Variants in SHPRH observed in about 807,000 individuals in gnomAD.
SHPRH encodes the protein E3 ubiquitin-protein ligase SHPRH.
Under a neutral mutation model 202.5 loss-of-function variants are expected in SHPRH, and 106 were observed. The observed-to-expected ratio is 0.52, with a 90% CI of 0.45 to 0.62. SHPRH has a LOEUF of 0.62. SHPRH is among the 20% of genes least tolerant of loss of function. The pLI, the probability that SHPRH is intolerant of heterozygous loss-of-function variation, is 0.00. For missense variants in SHPRH, 1,710 were observed against 2,020.0 expected, an observed-to-expected ratio of 0.85 and a Z score of 2.94; for synonymous variants, 729 against 686.0, an observed-to-expected ratio of 1.06 and a Z score of -0.98.
chr6:145,910,212 T>C lies in SHPRH; in HGVS notation c.4515+236A>G, dbSNP rs959797023. 1.5e-5 allele frequency: 6 copies of C among 412,370 alleles called. No homozygotes were observed. The South Asian group carries it at 4.1e-4, about 28-fold the overall frequency. 25.5% of individuals were successfully genotyped at this position (412,370 alleles called of 1,614,324 possible). A position where few individuals can be genotyped will look rare whatever the true frequency, so the allele number is the denominator to read the frequency against. On this transcript the variant is annotated intron_variant, in intron 25 of 29. Transcript: ENST00000275233. ...ACTGTAATTTTAAGATGTTACATTT[T>C]AGTCACAGTGTACATGACTATCGCT...
chr6:145,955,908 T>C (rs1204694275), intron 1 of SHPRH, among the ~76,000 whole-genome samples: 1 of 152,106 alleles, frequency 6.6e-6, no homozygotes, highest in Non-Finnish European at 1.5e-5. Context: ...ATTCTCAATA[T>C]GTTAAAGGTA....
chr6:145,884,637 A>G (rs557406238), downstream of SHPRH: 1 of 152,294 alleles, frequency 6.6e-6, no homozygotes, highest in Non-Finnish European at 1.5e-5. Context: ...TGAGGATCAG[A>G]TTTGTACTTG....
intron 25 of SHPRH, among the ~76,000 whole-genome samples, chr6:145,895,272 T>C (rs143895357): frequency 2.6e-5 from 4 of 152,228 alleles, no homozygotes; most frequent in South Asian, 4.1e-4. Context: ...TCAGGTTTTA[T>C]AGTTACAAAA....
Position 145,954,697 on chromosome 6 carries a change from A to G in SHPRH, c.626T>C (p.Ile209Thr), listed in dbSNP as rs771266053. 6.3e-7 allele frequency: 1 copy of G among 1,577,132 alleles called. No individual in the cohort carries two copies. The highest frequency in any genetic ancestry group is 1.2e-5 in the South Asian group (1 of 83,644). The part of the protein sequence containing the change: ...KLYQKPEGNH[I>T]IKVGIYLLEA... ...CCACAAAAAACTGAGTACCTTGATA[A>G]TGTGATTTCCTTCTGGTTTCTGATA... The change falls in exon 2 of 30, where the codon ATT (isoleucine) becomes ACT (threonine). Residue 209 changes from isoleucine (I) to threonine (T), a missense_variant. By Grantham distance (89) the Ile-to-Thr change is moderately conservative. Around this residue, in one of 8 missense-constraint regions of SHPRH, gnomAD observed 459 missense variants for 426.5 expected, o/e 1.08. Coordinates refer to ENST00000275233, the MANE Select transcript of SHPRH (RefSeq NM_001042683.3).
chr6:145,938,956 T>G (rs1786426876), intron 11 of SHPRH, among the ~76,000 whole-genome samples: 1 of 152,204 alleles, frequency 6.6e-6, no homozygotes, highest in African/African-American at 2.4e-5. Flanking sequence ...GTCAGAATTG[T>G]AGGAGTGCTA....
At chr6:145,882,871 T>C (rs971515659), downstream of SHPRH, among the ~76,000 whole-genome samples, 7 of 152,328 alleles carry the variant, frequency 4.6e-5, no homozygotes, top group South Asian at 1.2e-3. Context: ...CTAAGGAAAT[T>C]TGAGCACAAA....
Position 145,893,244 on chromosome 6 carries a change from T to C in SHPRH, c.4845A>G (p.Ile1615Met). 6.3e-7 allele frequency: 1 copy of C among 1,581,244 alleles called. No homozygotes were observed. Residue 1615 changes from isoleucine (I) to methionine (M), a missense_variant, in exon 28 of 30, where the codon ATA becomes ATG. Ile to Met is a conservative substitution (Grantham distance 10). This residue lies in a region of SHPRH where 306 missense variants were observed against 479.5 expected (regional missense o/e 0.64). Coordinates refer to ENST00000275233, the MANE Select transcript of SHPRH (RefSeq NM_001042683.3). Reference sequence around the variant, plus strand: ...TCTGTCCAATTCGGTGCACCCTCCCTATGGCCTGAAGCTCATGGGCAGGGT... The same window carrying C: ...TCTGTCCAATTCGGTGCACCCTCCCCATGGCCTGAAGCTCATGGGCAGGGT... ...ILNPAHELQA[I>M]GRVHRIGQTK...
intron 14 of SHPRH, among the ~76,000 whole-genome samples, chr6:145,930,312 T>G (rs1582733667): frequency 6.6e-6 from 1 of 152,282 alleles, no homozygotes; most frequent in East Asian, 1.9e-4. Context: ...ATTTGCTCTT[T>G]TTTTTTAAAT....
chr6:145,960,981 T>A (rs143632916), intron 1 of SHPRH, among the ~76,000 whole-genome samples: 1 of 151,942 alleles, frequency 6.6e-6, no homozygotes, highest in Non-Finnish European at 1.5e-5. Flanking sequence ...CATATGCAGT[T>A]CACGATAGCA....
rs1284346523 is a variant in SHPRH, at chr6:145,886,774, A to AT, written c.4968dup (p.Ser1657IlefsTer14). The AT allele has an allele frequency of 1.9e-6, 3 of 1,613,462 alleles. No homozygotes were observed. Among genetic ancestry groups the AT allele is most frequent in the African/African-American group, 2.7e-5 (2 of 74,912 alleles). On this transcript the variant is annotated frameshift_variant, in exon 30 of 30. Transcript: ENST00000275233. LOFTEE classifies it high-confidence loss of function. ...ACAGAGGCCTCTGAATGCTTTGCTG[A>AT]TGAGTTCGTGTGACTGCAAGGTTTC...
chr6:145,865,793 TAGCAGGAAACCTCTG>T (rs1405312457), intron 2 of SHPRH, among the ~76,000 whole-genome samples: 1 of 152,256 alleles, frequency 6.6e-6, no homozygotes, highest in Non-Finnish European at 1.5e-5. Context: ...CAAAGCAGAA[TAGCAGGAAACCTCTG>T]ACCAGTTTAC....
intron 16 of SHPRH, 151 bp from the exon 17 acceptor site, chr6:145,924,997 G>A (rs530889831): frequency 1.7e-5 from 8 of 480,576 alleles, no homozygotes; most frequent in Middle Eastern, 3.6e-4. Context: ...GAACATAAAA[G>A]TCACGCTAAA....
At position 145,945,588 on chromosome 6, in the gene SHPRH, T is replaced by C. The variant is rs1452650724; in HGVS notation, c.1371A>G (p.Lys457=). 4.3e-6 allele frequency: 7 copies of C among 1,610,988 alleles called. No individual in the cohort carries two copies. Among genetic ancestry groups the C allele is most frequent in the Non-Finnish European group, 5.9e-6 (7 of 1,178,590 alleles). ...LTAVKEMNGK[K]GVSILSIYKY... ...TATAGATGGAAAGGATGGACACTCCTTTTTTTCCATTCATTTCTTTCACAG... is the reference window on the plus strand; with the variant it reads ...TATAGATGGAAAGGATGGACACTCCCTTTTTTCCATTCATTTCTTTCACAG... The change falls in exon 8 of 30, where the codon AAA becomes AAG. Residue 457 remains lysine (K), a synonymous_variant. Coordinates refer to ENST00000275233, the MANE Select transcript of SHPRH (RefSeq NM_001042683.3).
At chr6:145,869,371 T>G (rs1779950077) in intron 2 of SHPRH, among the ~76,000 whole-genome samples, 1 of 152,200 alleles carries the variant, frequency 6.6e-6, no homozygotes, top group South Asian at 2.1e-4. Flanking sequence ...TCAATTCTGT[T>G]TTGGATTGTG....
intron 24 of SHPRH, among the ~76,000 whole-genome samples, chr6:145,912,225 A>T (rs1009341056): frequency 2.6e-5 from 4 of 151,968 alleles, no homozygotes; most frequent in Non-Finnish European, 5.9e-5. Flanking sequence ...CTAATTTAAT[A>T]GCCCTAAATT....
chr6:145,933,420 C>T (rs1164705902), intron 13 of SHPRH, among the ~76,000 whole-genome samples: 1 of 152,074 alleles, frequency 6.6e-6, no homozygotes, highest in Non-Finnish European at 1.5e-5. Flanking sequence ...GAAAAATCTT[C>T]CTCAAGTACA....
At chr6:145,941,978 A>T in intron 9 of SHPRH, 104 bp from the exon 10 acceptor site, 3 of 1,374,868 alleles carry the variant, frequency 2.2e-6, no homozygotes, top group Non-Finnish European at 3.0e-6. Flanking sequence ...TTTTCTTAGG[A>T]GCATTCATGC....
At chr6:145,921,949 C>T (rs1327790753) in intron 20 of SHPRH, among the ~76,000 whole-genome samples, 8 of 151,830 alleles carry the variant, frequency 5.3e-5, no homozygotes, top group East Asian at 3.9e-4. Flanking sequence ...GAAGTTATGC[C>T]GGACATTATG....
At chr6:145,863,676 A>G (rs188779750), downstream of SHPRH, among the ~76,000 whole-genome samples, 41 of 152,226 alleles carry the variant, frequency 2.7e-4, no homozygotes, top group Non-Finnish European at 5.3e-4. Context: ...TAAAGGACAA[A>G]TTTTTGCCTC....
Sources: allele counts gnomAD v4.1 joint callset (sites outside exome capture counted in the v4.1 genomes callset), GRCh38; gene constraint gnomAD v4.1.1; regional missense constraint gnomAD v4.1.1; transcripts MANE v1.5; gene names NCBI Gene and HGNC (gene_info 2026-07-23, HGNC 2026-07-21).